The following PTPRR variants were observed in gnomAD, a reference collection of about 807,000 sequenced individuals.
The protein encoded by PTPRR is receptor-type tyrosine-protein phosphatase R.
Under a neutral mutation model 77.2 loss-of-function variants are expected in PTPRR, and 38 were observed. That is an observed-to-expected ratio of 0.49 (90% confidence interval 0.38 to 0.65). The LOEUF (loss-of-function observed/expected upper bound fraction) is 0.65. Among genes scored for constraint, PTPRR ranks in the 30% least tolerant of loss-of-function variants. The probability of loss-of-function intolerance (pLI) is 0.00; values close to 1 mark genes in which losing one functional copy is unlikely to be tolerated. For synonymous variants in PTPRR, 299 were observed against 283.1 expected (o/e 1.06, Z -0.57); for missense variants, 744 against 799.2 (o/e 0.93, Z 0.83).
intron 2 of PTPRR, 140 bp downstream of exon 2, chr12:70,892,539 G>T: frequency 2.0e-6 from 2 of 1,020,692 alleles, no homozygotes; most frequent in Non-Finnish European, 2.8e-6. Flanking sequence ...GAAATTAGAA[G>T]TACCACAGAA....
At chr12:70,819,213 C>T (rs1891962348) in intron 2 of PTPRR, among the ~76,000 whole-genome samples, 1 of 152,098 alleles carries the variant, frequency 6.6e-6, no homozygotes, top group African/African-American at 2.4e-5. Context: ...CCCAGCTACT[C>T]CGGAGGCTGA....
chr12:70,665,591 A>G (rs775769560), intron 10 of PTPRR, among the ~76,000 whole-genome samples: 1 of 151,624 alleles, frequency 6.6e-6, no homozygotes, highest in Non-Finnish European at 1.5e-5. Context: ...CATGTTGGCC[A>G]GACTGGTCTT....
chr12:70,884,167 A>G (rs1280871109), intron 2 of PTPRR, among the ~76,000 whole-genome samples: 1 of 152,216 alleles, frequency 6.6e-6, no homozygotes, highest in Non-Finnish European at 1.5e-5. Context: ...AGAAAGAAAC[A>G]CGTTGCTTCT....
intron 10 of PTPRR, among the ~76,000 whole-genome samples, chr12:70,682,697 C>A (rs1229542140): frequency 6.6e-6 from 1 of 152,048 alleles, no homozygotes; most frequent in Non-Finnish European, 1.5e-5. Context: ...CTTGAAAAAT[C>A]TTTTCTATCA....
In PTPRR at chr12:70,859,078, T is replaced by C. The variant is rs144635861; in HGVS notation, c.357+33601A>G. 2.1e-3 allele frequency among the ~76,000 whole-genome samples: 325 copies of C among 152,194 alleles called. 1 individual carries two copies. The highest frequency in any genetic ancestry group is 3.5e-3 in the Non-Finnish European group (236 of 67,976). On this transcript the variant is annotated intron_variant, in intron 2 of 13. Coordinates refer to ENST00000283228, the MANE Select transcript of PTPRR (RefSeq NM_002849.4). ...GTTCTTCATACCAGGACATCCAATC[T>C]GTTGCCAACTTCTGCCAGTTCTGAC...
chr12:70,877,882 G>A (rs1399719476), intron 2 of PTPRR, among the ~76,000 whole-genome samples: 1 of 152,028 alleles, frequency 6.6e-6, no homozygotes, highest in East Asian at 1.9e-4. Context: ...AAACAGCATG[G>A]TACTGGTACC....
At chr12:70,698,151 G>A (rs1888294521) in intron 8 of PTPRR, 114 bp downstream of exon 8, 4 of 740,810 alleles carry the variant, frequency 5.4e-6, no homozygotes, top group African/African-American at 1.7e-5. Context: ...ATGTGCCATT[G>A]TGGTTTGCTT....
intron 6 of PTPRR, among the ~76,000 whole-genome samples, chr12:70,738,096 T>A (rs974725200): frequency 5.9e-5 from 9 of 152,224 alleles, no homozygotes; most frequent in African/African-American, 2.2e-4. Flanking sequence ...AACATTTTCA[T>A]GGCATGTACT....
In PTPRR at chr12:70,724,488, G is replaced by A. The variant is rs535001496; in HGVS notation, c.1007+21330C>T. On this transcript the variant is annotated intron_variant, in intron 6 of 13. Transcript: ENST00000283228. Reference sequence around the variant, plus strand: ...TTGATAACGTAATAAATGCAACAGTGTAACTCTTAACTGGTATTATTAATG... The same window carrying A: ...TTGATAACGTAATAAATGCAACAGTATAACTCTTAACTGGTATTATTAATG... 1.5e-4 allele frequency among the ~76,000 whole-genome samples: 23 copies of A among 152,296 alleles called. No individual in the cohort carries two copies. The East Asian group carries it at 3.7e-3, about 24-fold the overall frequency.
chr12:70,864,868 G>T (rs1294081023), intron 2 of PTPRR, among the ~76,000 whole-genome samples: 1 of 152,172 alleles, frequency 6.6e-6, no homozygotes, highest in Non-Finnish European at 1.5e-5. Context: ...CTAGAGTACA[G>T]TGGTGGGATC....
intron 2 of PTPRR, among the ~76,000 whole-genome samples, chr12:70,883,915 A>T (rs1040460606): frequency 6.6e-6 from 1 of 152,344 alleles, no homozygotes; most frequent in East Asian, 1.9e-4. Flanking sequence ...CTTCTGCCAC[A>T]GTAATAGCTT....
At position 70,920,258 on chromosome 12, in the gene PTPRR, T is replaced by A. The variant is rs1893835961; in HGVS notation, c.58+75A>T. ...AAAGGCTTTCTTCGCAAGGCAAGCT[T>A]TTCCTAGAGTCCTTAAGCATGTGCA... On this transcript the variant is annotated intron_variant, in intron 1 of 13. Coordinates refer to ENST00000283228, the MANE Select transcript of PTPRR (RefSeq NM_002849.4). The A allele has an allele frequency of 4.7e-6, 7 of 1,495,438 alleles. No individual in the cohort carries two copies. The Admixed American group carries it at 1.0e-4, about 22-fold the overall frequency. The allele number at this position is 1,495,438 out of a possible 1,614,324, so 92.6% of individuals were successfully genotyped here. A position where few individuals can be genotyped will look rare whatever the true frequency, so the allele number is the denominator to read the frequency against.
At chr12:70,845,596 T>C (rs1467293108) in intron 2 of PTPRR, among the ~76,000 whole-genome samples, 1 of 152,208 alleles carries the variant, frequency 6.6e-6, no homozygotes, top group Non-Finnish European at 1.5e-5. Context: ...TCCGTATTTT[T>C]AAATTAACCT....
intron 2 of PTPRR, among the ~76,000 whole-genome samples, chr12:70,783,132 C>T (rs1891239388): frequency 1.3e-5 from 2 of 152,132 alleles, no homozygotes. Flanking sequence ...GTCCTGCATT[C>T]AGGAAGAATG....
At position 70,920,556 on chromosome 12, in the gene PTPRR, G is replaced by A. The variant is rs779455435; in HGVS notation, c.-166C>T. On this transcript the variant is annotated 5_prime_UTR_variant, in exon 1 of 14. Coordinates refer to ENST00000283228, the MANE Select transcript of PTPRR (RefSeq NM_002849.4). ...GTGGCGCCGACAGAAACCAGCACCA[G>A]CTTCAACCTCCCTAAGAGAGGGAGA... The A allele has an allele frequency of 7.5e-5, 47 of 630,506 alleles. No individual in the cohort carries two copies. Among genetic ancestry groups the A allele is most frequent in the Non-Finnish European group, 1.3e-4 (45 of 352,448 alleles). 39.1% of individuals were successfully genotyped at this position (630,506 alleles called of 1,614,324 possible). A position where few individuals can be genotyped will look rare whatever the true frequency, so the allele number is the denominator to read the frequency against.
intron 2 of PTPRR, among the ~76,000 whole-genome samples, chr12:70,872,762 T>G (rs1390281913): frequency 1.5e-5 from 2 of 129,694 alleles, no homozygotes; most frequent in East Asian, 2.3e-4. Context: ...AGGGCAAGGG[T>G]AAATGTGTGA....
chr12:70,671,440 A>G (rs1171376519), intron 10 of PTPRR, among the ~76,000 whole-genome samples: 1 of 152,212 alleles, frequency 6.6e-6, no homozygotes, highest in Non-Finnish European at 1.5e-5. Context: ...TGATATCCCC[A>G]GAAGGTATAT....
intron 2 of PTPRR, among the ~76,000 whole-genome samples, chr12:70,850,743 C>G (rs1892558905): frequency 1.3e-5 from 2 of 152,172 alleles, no homozygotes; most frequent in South Asian, 4.1e-4. Context: ...GTACCTTTCA[C>G]TCTCGCATTT....
chr12:70,836,308 T>G (rs894942278), intron 2 of PTPRR, among the ~76,000 whole-genome samples: 2 of 149,904 alleles, frequency 1.3e-5, no homozygotes, highest in African/African-American at 4.9e-5. Context: ...AGACATGTGT[T>G]TTTTTTTTTT....
Sources: gnomAD v4.1 joint callset for allele counts (sites outside exome capture counted in the v4.1 genomes callset) on GRCh38, gnomAD v4.1.1 for gene constraint, MANE v1.5 for transcripts, NCBI Gene and HGNC (gene_info 2026-07-23, HGNC 2026-07-21) for gene names.